Variants in LGSN observed in about 807,000 individuals in gnomAD.
The protein encoded by LGSN is lengsin, lens protein with glutamine synthetase domain, also known as lengsin.
A neutral mutation model predicts 19.5 loss-of-function variants in LGSN; 21 were observed. The ratio of observed to expected loss-of-function variants is 1.07; its 90% CI spans 0.76 to 1.55. LGSN has a LOEUF of 1.55. Among genes scored for constraint, LGSN ranks in the 40% most tolerant of loss-of-function variants. The probability of loss-of-function intolerance (pLI) is 0.00; values close to 1 mark genes in which losing one functional copy is unlikely to be tolerated. For synonymous variants in LGSN, 257 were observed against 215.6 expected (o/e 1.19, Z -1.68); for missense variants, 673 against 608.5 (o/e 1.11, Z -1.12).
chr6:63,309,854 T>C (rs72875121), intron 1 of LGSN, among the ~76,000 whole-genome samples: 1 of 152,356 alleles, frequency 6.6e-6, no homozygotes, highest in Non-Finnish European at 1.5e-5. Flanking sequence ...CCACAATTTC[T>C]AGCCATTCTC....
the LGSN span, among the ~76,000 whole-genome samples, chr6:63,385,249 C>T: frequency 6.6e-6 from 1 of 152,024 alleles, no homozygotes; most frequent in Non-Finnish European, 1.5e-5. Flanking sequence ...TTGCTTTAGC[C>T]ATCTTACACC....
rs1444605367 is a variant in LGSN at position 63,280,932 on chromosome 6, T to A, written c.619A>T (p.Ile207Phe). 1.2e-6 allele frequency: 2 copies of A among 1,613,954 alleles called. No homozygotes were observed. Among genetic ancestry groups the A allele is most frequent in the Admixed American group, 3.3e-5 (2 of 59,996 alleles). Residue 207 changes from isoleucine (I) to phenylalanine (F), a missense_variant, in exon 4 of 4, where the codon ATC (isoleucine) becomes TTC (phenylalanine). Coordinates refer to ENST00000370657, the MANE Select transcript of LGSN (RefSeq NM_016571.3). ...ASGFSLLSAF[I>F]YDFCIFGVPE... ...ACACCAAAAATGCAAAAATCATAGA[T>A]GAAAGCAGAAAGCAGGGAAAAGCCA... is the stretch of plus-strand genomic sequence containing the variant.
At chr6:63,306,318 T>C (rs970156015) in intron 1 of LGSN, among the ~76,000 whole-genome samples, 4 of 152,226 alleles carry the variant, frequency 2.6e-5, no homozygotes, top group African/African-American at 9.6e-5. Context: ...TACATCACCA[T>C]AGCTTGATAA....
At chr6:63,299,372 T>A (rs766266943) in intron 1 of LGSN, among the ~76,000 whole-genome samples, 18 of 152,214 alleles carry the variant, frequency 1.2e-4, no homozygotes, top group Non-Finnish European at 2.5e-4. Context: ...TCCTCTAAAG[T>A]ACCTTTTCCT....
chr6:63,297,024 C>T (rs530456838), intron 1 of LGSN, among the ~76,000 whole-genome samples: 36 of 152,044 alleles, frequency 2.4e-4, no homozygotes, highest in African/African-American at 6.8e-4. Context: ...TACCTAGTTA[C>T]TAACTGAGAA....
chr6:63,280,189 C>T lies in LGSN; in HGVS notation c.1362G>A (p.Glu454=), dbSNP rs3846795. The T allele has an allele frequency of 0.042, 68,565 of 1,614,168 alleles. 1,733 individuals carry two copies. The highest frequency in any genetic ancestry group is 0.05 in the Non-Finnish European group (59,244 of 1,179,998). Residue 454 remains glutamate, a synonymous_variant, in exon 4 of 4, where the codon GAG becomes GAA. Coordinates refer to ENST00000370657, the MANE Select transcript of LGSN (RefSeq NM_016571.3). ...STDFYQVEPS[E]IPLKLEDALV... is the part of the protein sequence containing the mutation. ...GGGCATCTTCTAGTTTTAAAGGGAT[C>T]TCAGAAGGTTCCACTTGGTAAAAGT...
the LGSN span, among the ~76,000 whole-genome samples, chr6:63,533,918 A>G: frequency 2.5e-4 from 38 of 150,418 alleles, no homozygotes; most frequent in African/African-American, 9.3e-4. Flanking sequence ...ATCTCGGCTC[A>G]TTACAACCTC....
At position 63,280,937 on chromosome 6, in the gene LGSN, G is replaced by A; in HGVS notation, c.614C>T (p.Ala205Val). 1 of 1,614,074 alleles carries A rather than the reference G, an allele frequency of 6.2e-7. No homozygotes were observed. Among genetic ancestry groups the A allele is most frequent in the Non-Finnish European group, 8.5e-7 (1 of 1,180,020 alleles). The change falls in exon 4 of 4, where the codon GCT (alanine) becomes GTT (valine). Residue 205 changes from alanine to valine, a missense_variant. Transcript: ENST00000370657. ...LQASGFSLLSAFIYDFCIFGV... is the reference protein window; with the variant it reads ...LQASGFSLLSVFIYDFCIFGV... ...AAAAATGCAAAAATCATAGATGAAA[G>A]CAGAAAGCAGGGAAAAGCCAGAGGC... is the stretch of plus-strand genomic sequence containing the variant.
chr6:63,392,588 T>C, the LGSN span: 1 of 152,174 alleles, frequency 6.6e-6, no homozygotes, highest in Non-Finnish European at 1.5e-5. Flanking sequence ...GACCCTCAAC[T>C]TCAAATTGCC....
intron 1 of LGSN, among the ~76,000 whole-genome samples, chr6:63,315,248 T>C (rs74897311): frequency 0.026 from 4,022 of 152,262 alleles, 173 homozygotes; most frequent in African/African-American, 0.092. Context: ...CTCAGACTTC[T>C]CCTTTATAAA....
the LGSN span, among the ~76,000 whole-genome samples, chr6:63,526,828 TA>T: frequency 1.6e-3 from 226 of 143,542 alleles, 2 homozygotes; most frequent in African/African-American, 4.2e-3. Flanking sequence ...TATATATATA[TA>T]TATATATTTA....
At chr6:63,501,756 G>A in the LGSN span, among the ~76,000 whole-genome samples, 148 of 152,140 alleles carry the variant, frequency 9.7e-4, no homozygotes, top group Non-Finnish European at 3.4e-4. Context: ...AAGATCCTAG[G>A]GCTATATGTA....
At chr6:63,528,367 G>A in the LGSN span, among the ~76,000 whole-genome samples, 2 of 152,070 alleles carry the variant, frequency 1.3e-5, no homozygotes, top group African/African-American at 4.8e-5. Context: ...AGGCTGAGGT[G>A]GGAGAATCGC....
At chr6:63,351,623 A>AT in the LGSN span, among the ~76,000 whole-genome samples, 1 of 151,960 alleles carries the variant, frequency 6.6e-6, no homozygotes, top group Non-Finnish European at 1.5e-5. Context: ...TGCCAGGCTA[A>AT]TTTTTTGTAT....
At chr6:63,509,631 A>G in the LGSN span, among the ~76,000 whole-genome samples, 1 of 152,210 alleles carries the variant, frequency 6.6e-6, no homozygotes, top group Non-Finnish European at 1.5e-5. Flanking sequence ...GTTATAAAGG[A>G]TGAAGTGATA....
At chr6:63,339,004 T>G in the LGSN span, among the ~76,000 whole-genome samples, 1 of 152,196 alleles carries the variant, frequency 6.6e-6, no homozygotes, top group South Asian at 2.1e-4. Flanking sequence ...TTGTTATTCA[T>G]TTCTAGTTTT....
chr6:63,304,750 G>A (rs1768314460), intron 1 of LGSN, among the ~76,000 whole-genome samples: 1 of 152,052 alleles, frequency 6.6e-6, no homozygotes, highest in African/African-American at 2.4e-5. Flanking sequence ...TATTCTCCCT[G>A]GTATGCTATA....
At chr6:63,329,501 C>T in the LGSN span, among the ~76,000 whole-genome samples, 1 of 152,216 alleles carries the variant, frequency 6.6e-6, no homozygotes, top group Non-Finnish European at 1.5e-5. Flanking sequence ...GCAGGGACTG[C>T]TGCATTTCCT....
intron 1 of LGSN, among the ~76,000 whole-genome samples, chr6:63,312,782 G>T (rs868449825): frequency 6.6e-6 from 1 of 152,156 alleles, no homozygotes; most frequent in Admixed American, 6.6e-5. Flanking sequence ...CGGGCGAAAT[G>T]AGCATAGTGC....
Sources: gnomAD v4.1 joint callset for allele counts (sites outside exome capture counted in the v4.1 genomes callset) on GRCh38, gnomAD v4.1.1 for gene constraint, MANE v1.5 for transcripts, NCBI Gene and HGNC (gene_info 2026-07-23, HGNC 2026-07-21) for gene names.